The following ZBTB7C variants were observed in gnomAD, a reference collection of about 807,000 sequenced individuals.
ZBTB7C encodes the protein zinc finger and BTB domain containing 7C, also known as zinc finger and BTB domain-containing protein 7C.
A neutral mutation model predicts 25.7 loss-of-function variants in ZBTB7C; 8 were observed. The ratio of observed to expected loss-of-function variants is 0.31; its 90% CI spans 0.18 to 0.56. The LOEUF (loss-of-function observed/expected upper bound fraction) is 0.56, where lower values mean the gene tolerates loss of function less well. Among genes scored for constraint, ZBTB7C ranks in the 20% least tolerant of loss-of-function variants. The probability of loss-of-function intolerance (pLI) is 0.91; values close to 1 mark genes in which losing one functional copy is unlikely to be tolerated. For missense variants in ZBTB7C, 824 were observed against 855.2 expected (o/e 0.96, Z 0.46); for synonymous variants, 394 against 369.0 (o/e 1.07, Z -0.78).
At chr18:48,263,124 AC>A (rs1253426930) in intron 2 of ZBTB7C, among the ~76,000 whole-genome samples, 2 of 152,166 alleles carry the variant, frequency 1.3e-5, no homozygotes, top group African/African-American at 4.8e-5. Context: ...TCCCACAAAC[AC>A]CATAAAAGTT....
At chr18:48,304,705 G>C (rs1490960855) in intron 2 of ZBTB7C, among the ~76,000 whole-genome samples, 2 of 151,964 alleles carry the variant, frequency 1.3e-5, no homozygotes, top group Non-Finnish European at 2.9e-5. Context: ...GCTTGCCATG[G>C]TGGCGCACAC....
intron 2 of ZBTB7C, among the ~76,000 whole-genome samples, chr18:48,277,335 A>T (rs1402934209): frequency 5.3e-5 from 8 of 149,772 alleles, no homozygotes; most frequent in Non-Finnish European, 3.0e-5. Context: ...AAGTGGGCGA[A>T]GGACATGAAC....
chr18:48,081,444 TTTTTCTTTTTCTTTTTC>T (rs1477671013), intron 3 of ZBTB7C, among the ~76,000 whole-genome samples: 1 of 124,908 alleles, frequency 8.0e-6, no homozygotes, highest in Non-Finnish European at 1.6e-5. Context: ...TTCTTTTTTC[TTTTTCTTTTTCTTTTTC>T]TTTTTTTTTT....
At chr18:48,086,549 C>T (rs561197779) in intron 3 of ZBTB7C, among the ~76,000 whole-genome samples, 7 of 152,364 alleles carry the variant, frequency 4.6e-5, no homozygotes, top group African/African-American at 1.4e-4. Context: ...TTCCTACTCT[C>T]ATCCCCTCCA....
chr18:48,141,152 C>CCA (rs1555699054), intron 3 of ZBTB7C, among the ~76,000 whole-genome samples: 2 of 145,608 alleles, frequency 1.4e-5, no homozygotes, highest in East Asian at 2.1e-4. Context: ...CACCACCCCC[C>CCA]CCACTGTTCC....
chr18:48,300,435 T>C (rs577166217), intron 2 of ZBTB7C, among the ~76,000 whole-genome samples: 19 of 152,184 alleles, frequency 1.2e-4, no homozygotes, highest in Non-Finnish European at 2.1e-4. Flanking sequence ...GGAAACCATA[T>C]GCTGGTGGAG....
intron 2 of ZBTB7C, among the ~76,000 whole-genome samples, chr18:48,260,715 A>G (rs1433605592): frequency 6.6e-6 from 1 of 152,180 alleles, no homozygotes. Context: ...AAAGTTTTCG[A>G]GTTGGCAAAA....
At chr18:48,299,412 G>A (rs960803430) in intron 2 of ZBTB7C, among the ~76,000 whole-genome samples, 6 of 152,186 alleles carry the variant, frequency 3.9e-5, no homozygotes, top group Admixed American at 1.3e-4. Context: ...AACATCCACC[G>A]AAGGGAGAAC....
At chr18:48,041,887 T>C (rs1282475465) in intron 3 of ZBTB7C, among the ~76,000 whole-genome samples, 1 of 152,246 alleles carries the variant, frequency 6.6e-6, no homozygotes, top group Non-Finnish European at 1.5e-5. Context: ...CATTGTTAGT[T>C]AATTTTTCAT....
At chr18:48,245,935 C>T (rs2043679362) in intron 2 of ZBTB7C, among the ~76,000 whole-genome samples, 1 of 152,104 alleles carries the variant, frequency 6.6e-6, no homozygotes, top group South Asian at 2.1e-4. Context: ...ATCAGACATA[C>T]AAACAAAAAC....
At position 48,317,257 on chromosome 18, in the gene ZBTB7C, CAAAAAAAAAAAA is replaced by C. The variant is rs71165318; in HGVS notation, c.-79+20905_-79+20916del. Among the ~76,000 whole-genome samples the C allele has an allele frequency of 1.1e-3, 77 of 69,464 alleles. 1 individual carries two copies. The highest frequency in any genetic ancestry group is 4.2e-3 in the African/African-American group (74 of 17,710). 45.6% of individuals were successfully genotyped at this position (69,464 alleles called of 152,430 possible). On this transcript the variant is annotated intron_variant, in intron 2 of 4. Coordinates refer to ENST00000590800, the MANE Select transcript of ZBTB7C (RefSeq NM_001318841.2). ...GGGCGACAAGAGTGAAACTCCGTCT[CAAAAAAAAAAAA>C]AAAAAAAAAAAAGACACTCAAAAAA...
intron 2 of ZBTB7C, among the ~76,000 whole-genome samples, chr18:48,315,084 G>A (rs377384361): frequency 4.6e-5 from 7 of 152,302 alleles, no homozygotes; most frequent in African/African-American, 1.7e-4. Context: ...ATGCCTTCAT[G>A]AGTGCCAATT....
chr18:48,166,014 T>C (rs2041233370), intron 3 of ZBTB7C, among the ~76,000 whole-genome samples: 1 of 152,238 alleles, frequency 6.6e-6, no homozygotes, highest in South Asian at 2.1e-4. Context: ...TTTTTTTGAC[T>C]GAGCTCTTTG....
chr18:48,077,430 T>C (rs578213044), intron 3 of ZBTB7C, among the ~76,000 whole-genome samples: 12 of 152,300 alleles, frequency 7.9e-5, no homozygotes, highest in East Asian at 7.7e-4. Context: ...AACTCCGTCA[T>C]TGAGAAACCC....
intron 3 of ZBTB7C, chr18:48,147,949 T>C (rs1271989943): frequency 6.6e-6 from 1 of 152,082 alleles, no homozygotes; most frequent in Non-Finnish European, 1.5e-5. Flanking sequence ...GAAGCATTTA[T>C]CTTTTTCTCT....
chr18:48,173,124 T>G (rs528252283), intron 3 of ZBTB7C, among the ~76,000 whole-genome samples: 5 of 152,320 alleles, frequency 3.3e-5, no homozygotes, highest in Admixed American at 3.3e-4. Context: ...TTAGTTTACT[T>G]CAGGTTTTGC....
At chr18:48,406,704 C>A (rs944891088) in intron 1 of ZBTB7C, among the ~76,000 whole-genome samples, 2 of 152,220 alleles carry the variant, frequency 1.3e-5, no homozygotes, top group African/African-American at 2.4e-5. Flanking sequence ...GCCTTGAATT[C>A]TTGATACTCT....
chr18:48,369,308 A>G (rs1057291743), intron 1 of ZBTB7C, among the ~76,000 whole-genome samples: 6 of 152,148 alleles, frequency 3.9e-5, no homozygotes, highest in Admixed American at 1.3e-4. Context: ...TAAAAAATAT[A>G]TACATAAATC....
chr18:48,371,595 C>T (rs544143304), intron 1 of ZBTB7C, among the ~76,000 whole-genome samples: 1 of 152,220 alleles, frequency 6.6e-6, no homozygotes, highest in Non-Finnish European at 1.5e-5. Context: ...AGAGTGGGAG[C>T]TGGGCAGGAG....
Sources: allele counts gnomAD v4.1 joint callset (sites outside exome capture counted in the v4.1 genomes callset), GRCh38; gene constraint gnomAD v4.1.1; transcripts MANE v1.5; gene names NCBI Gene and HGNC (gene_info 2026-07-23, HGNC 2026-07-21).